Variants in ROCK1 observed in about 807,000 individuals in gnomAD.
The protein encoded by ROCK1 is Rho associated coiled-coil containing protein kinase 1, also known as rho-associated protein kinase 1.
Under a neutral mutation model 196.8 loss-of-function variants are expected in ROCK1, and 36 were observed. The observed-to-expected ratio is 0.18, with a 90% CI of 0.14 to 0.24. The LOEUF (loss-of-function observed/expected upper bound fraction) is 0.24. Ranked by LOEUF, ROCK1 falls within the 10% of genes least tolerant of loss-of-function variation. ROCK1 has a pLI of 1.00. For missense variants in ROCK1, 920 were observed against 1,562.0 expected (o/e 0.59, Z 6.93); for synonymous variants, 443 against 515.9 (o/e 0.86, Z 1.91).
At chr18:21,095,578 C>T (rs2036606474) in intron 1 of ROCK1, among the ~76,000 whole-genome samples, 2 of 152,042 alleles carry the variant, frequency 1.3e-5, no homozygotes, top group South Asian at 2.1e-4. Flanking sequence ...AAGGTCATTA[C>T]ATTAAGTGAA....
chr18:20,956,697 G>A (rs983836496), intron 29 of ROCK1, among the ~76,000 whole-genome samples: 43 of 152,158 alleles, frequency 2.8e-4, no homozygotes, highest in African/African-American at 9.4e-4. Flanking sequence ...TTAAAAATTG[G>A]TACACTGATC....
rs545511047 is a variant in ROCK1, at chr18:21,100,764, C to T, written c.93+10054G>A. Among the ~76,000 whole-genome samples the T allele has an allele frequency of 5.3e-5, 8 of 152,120 alleles. No homozygotes were observed. In the South Asian group the frequency reaches 1.7e-3, roughly 32 times the overall value. ...GAGAATAAGGGTAGGGGATATATTC[C>T]TCTGTCTCCCTTAATACTTGATCCA... On this transcript the variant is annotated intron_variant, in intron 1 of 32. Transcript: ENST00000399799.
intron 16 of ROCK1, among the ~76,000 whole-genome samples, chr18:20,994,955 T>C (rs919870054): frequency 6.6e-6 from 1 of 152,184 alleles, no homozygotes; most frequent in Non-Finnish European, 1.5e-5. Context: ...ATTATCTTCA[T>C]AATCTAGTCA....
chr18:21,035,232 T>C (rs910008199), intron 9 of ROCK1, among the ~76,000 whole-genome samples: 1 of 152,234 alleles, frequency 6.6e-6, no homozygotes, highest in Non-Finnish European at 1.5e-5. Flanking sequence ...GATACTATTA[T>C]GGCGTTTCCT....
In ROCK1 at chr18:21,111,178, C is replaced by G; in HGVS notation, c.-268G>C. 2 of 539,850 alleles carry G rather than the reference C, an allele frequency of 3.7e-6. No homozygotes were observed. The highest frequency in any genetic ancestry group is 5.0e-5 in the South Asian group (2 of 39,778). The allele number at this position is 539,850 out of a possible 1,614,324, so 33.4% of individuals were successfully genotyped here. Reference sequence around the variant, plus strand: ...CCCTCACGACAGCCGACAGCGCCGTCGCCACCAGCCTCGTCGCTCCGGCGA... The same window carrying G: ...CCCTCACGACAGCCGACAGCGCCGTGGCCACCAGCCTCGTCGCTCCGGCGA... On this transcript the variant is annotated 5_prime_UTR_variant, in exon 1 of 33. Transcript: ENST00000399799. This position sits in a 1 kb window ranked among gnomAD's most constrained non-coding sequence, Gnocchi z 4.2.
intron 9 of ROCK1, among the ~76,000 whole-genome samples, chr18:21,029,817 T>C (rs2035991248): frequency 6.6e-6 from 1 of 152,080 alleles, no homozygotes. Context: ...GAAAATAAAA[T>C]TTTAAGAAAA....
chr18:21,025,239 C>T (rs1388544928), intron 10 of ROCK1, among the ~76,000 whole-genome samples: 3 of 152,100 alleles, frequency 2.0e-5, no homozygotes, highest in Non-Finnish European at 4.4e-5. Context: ...ACGGGAGTTA[C>T]TATATTAGGA....
At chr18:20,978,342 A>G (rs904212340) in intron 22 of ROCK1, among the ~76,000 whole-genome samples, 1 of 152,218 alleles carries the variant, frequency 6.6e-6, no homozygotes, top group African/African-American at 2.4e-5. Flanking sequence ...CTATATATGA[A>G]TTAGTCTTCT....
chr18:21,092,575 A>G (rs577904158), intron 1 of ROCK1, among the ~76,000 whole-genome samples: 1 of 132,640 alleles, frequency 7.5e-6, no homozygotes, highest in East Asian at 2.0e-4. Context: ...GCAAGACCTC[A>G]TCTTTAAAAA....
chr18:21,083,775 A>G (rs750909771), intron 1 of ROCK1, among the ~76,000 whole-genome samples: 2 of 152,230 alleles, frequency 1.3e-5, no homozygotes, highest in Non-Finnish European at 2.9e-5. Context: ...TTGTTAATCA[A>G]CTGGTTTTGC....
intron 5 of ROCK1, among the ~76,000 whole-genome samples, chr18:21,044,466 C>T (rs2036137767): frequency 6.6e-6 from 1 of 152,096 alleles, no homozygotes; most frequent in Non-Finnish European, 1.5e-5. Flanking sequence ...AAAAATACAA[C>T]ACTCAGACAT....
chr18:21,081,085 G>A (rs2036478947), intron 1 of ROCK1, among the ~76,000 whole-genome samples: 1 of 152,092 alleles, frequency 6.6e-6, no homozygotes, highest in Non-Finnish European at 1.5e-5. Flanking sequence ...AGTACACATG[G>A]AACATTCTCA....
Position 20,967,954 on chromosome 18 carries a change from A to T in ROCK1, c.3004-14T>A. 6.8e-7 allele frequency: 1 copy of T among 1,470,074 alleles called. No homozygotes were observed. The highest frequency in any genetic ancestry group is 9.2e-7 in the Non-Finnish European group (1 of 1,089,438). The allele number at this position is 1,470,074 out of a possible 1,614,324, so 91.1% of individuals were successfully genotyped here. A position where few individuals can be genotyped will look rare whatever the true frequency, so the allele number is the denominator to read the frequency against. ...TTTGTTAACAGCCTATTAAAATATTATTAATAAAGATCAATAGTGTAGTCA... is the reference window on the plus strand; with the variant it reads ...TTTGTTAACAGCCTATTAAAATATTTTTAATAAAGATCAATAGTGTAGTCA... On this transcript the variant is annotated splice_polypyrimidine_tract_variant and intron_variant, in intron 25 of 32. Transcript: ENST00000399799.
chr18:20,970,257 C>A, intron 23 of ROCK1, 91 bp downstream of exon 23: 1 of 930,180 alleles, frequency 1.1e-6, no homozygotes, highest in Non-Finnish European at 1.6e-6. Context: ...GAAGTAAATA[C>A]ACTTGCACAC....
In ROCK1 at chr18:21,006,568, T is replaced by C. The variant is rs779148395; in HGVS notation, c.1668A>G (p.Thr556=). The C allele has an allele frequency of 6.2e-7, 1 of 1,613,618 alleles. No homozygotes were observed. Among genetic ancestry groups the C allele is most frequent in the Admixed American group, 1.7e-5 (1 of 59,992 alleles). ...TCAATCTTACAGCTGTGTCCGATTC[T>C]GTCCTAAGTAAGTCATTGGCTTCTT... ...QLEEANDLLR[T]ESDTAVRLRK... Residue 556 remains threonine (T), a synonymous_variant, in exon 16 of 33, where the codon ACA becomes ACG. Coordinates refer to ENST00000399799, the MANE Select transcript of ROCK1 (RefSeq NM_005406.3).
In ROCK1 at chr18:21,028,952, A is replaced by G. The variant is rs774569122; in HGVS notation, c.1052-17T>C. On this transcript the variant is annotated splice_polypyrimidine_tract_variant and intron_variant, in intron 9 of 32. Transcript: ENST00000399799. ...GTGCTACAGCTAAAGACAAAACAAA[A>G]TTAGTTGTTCACTTCAAACTTAAAA... 2.5e-6 allele frequency: 4 copies of G among 1,600,496 alleles called. No homozygotes were observed. In the South Asian group the frequency reaches 3.4e-5, roughly 14 times the overall value.
At chr18:21,024,878 G>A (rs1276226256) in intron 10 of ROCK1, among the ~76,000 whole-genome samples, 1 of 152,206 alleles carries the variant, frequency 6.6e-6, no homozygotes, top group Non-Finnish European at 1.5e-5. Context: ...AATTCTAGGT[G>A]TGGTGCAATT....
chr18:21,102,309 G>A (rs1460394912), intron 1 of ROCK1, among the ~76,000 whole-genome samples: 3 of 152,146 alleles, frequency 2.0e-5, no homozygotes, highest in Non-Finnish European at 2.9e-5. Flanking sequence ...TTTACTACAA[G>A]TAAACCAAAC....
At chr18:21,022,112 C>T (rs972173734) in intron 11 of ROCK1, among the ~76,000 whole-genome samples, 2 of 151,290 alleles carry the variant, frequency 1.3e-5, no homozygotes, top group African/African-American at 4.9e-5. Context: ...ACCTCTTCCT[C>T]TCCTCTGTTA....
Sources: gnomAD v4.1 joint callset for allele counts (sites outside exome capture counted in the v4.1 genomes callset) on GRCh38, gnomAD v4.1.1 for gene constraint, Gnocchi (gnomAD v3.1) non-coding constraint, MANE v1.5 for transcripts, NCBI Gene and HGNC (gene_info 2026-07-23, HGNC 2026-07-21) for gene names.